SEMA6D: variants seen among roughly 807,000 people sequenced by gnomAD.
The protein encoded by SEMA6D is semaphorin 6D, also known as semaphorin-6D.
SEMA6D carries 35 observed loss-of-function variants against 106.6 expected under a neutral mutation model. That is an observed-to-expected ratio of 0.33 (90% CI 0.25 to 0.44). The LOEUF (loss-of-function observed/expected upper bound fraction) is 0.44. Among genes scored for constraint, SEMA6D ranks in the 20% least tolerant of loss-of-function variants. The pLI, the probability that SEMA6D is intolerant of heterozygous loss-of-function variation, is 1.00. For synonymous variants in SEMA6D, 499 were observed against 487.7 expected, an observed-to-expected ratio of 1.02 and a Z score of -0.31; for missense variants, 1,185 against 1,345.9, an observed-to-expected ratio of 0.88 and a Z score of 1.87.
chr15:47,198,512 G>A lies in SEMA6D; in HGVS notation c.-239+14094G>A, dbSNP rs764225070. On this transcript the variant is annotated intron_variant, in intron 1 of 19. Coordinates refer to the SEMA6D transcript ENST00000558014. ...AGGATCATGTTGATTCCTAAAGACA[G>A]AGCTCTAAGGAAGTGGATTAGGTGA... Among the ~76,000 whole-genome samples, 8 of 152,238 alleles carry A rather than the reference G, an allele frequency of 5.3e-5. No homozygotes were observed. The South Asian group carries it at 1.7e-3, about 32-fold the overall frequency.
chr15:47,592,625 T>A (rs1209791088), intron 3 of SEMA6D, among the ~76,000 whole-genome samples: 5 of 152,150 alleles, frequency 3.3e-5, no homozygotes, highest in Non-Finnish European at 7.3e-5. Context: ...ACCCCTTGGT[T>A]TAGAGACAGA....
intron 4 of SEMA6D, among the ~76,000 whole-genome samples, chr15:47,631,463 A>G (rs2144513168): frequency 6.6e-6 from 1 of 152,078 alleles, no homozygotes; most frequent in Non-Finnish European, 1.5e-5. Context: ...CACGAAAAAA[A>G]AATGAAAGAA....
Position 47,594,528 on chromosome 15 carries a change from A to C in SEMA6D, c.-86-6337A>C, listed in dbSNP as rs1478945814. ...GACGTTCAATTATTTATGCTTTAAA[A>C]CAGCCATTATTGGGTACCCATCACA... On this transcript the variant is annotated intron_variant, in intron 3 of 19. Transcript: ENST00000558014. Among the ~76,000 whole-genome samples, 3 of 152,140 alleles carry C rather than the reference A, an allele frequency of 2.0e-5. 1 individual carries two copies. The highest frequency in any genetic ancestry group is 4.4e-5 in the Non-Finnish European group (3 of 68,036).
chr15:47,291,758 A>G (rs114197249), intron 1 of SEMA6D, among the ~76,000 whole-genome samples: 1,533 of 152,318 alleles, frequency 0.01, 36 homozygotes, highest in African/African-American at 0.035. Flanking sequence ...AGTTATTTTT[A>G]TCATCATAAT....
intron 3 of SEMA6D, among the ~76,000 whole-genome samples, chr15:47,483,569 A>G (rs1022038071): frequency 4.6e-5 from 7 of 152,138 alleles, no homozygotes; most frequent in Admixed American, 3.9e-4. Flanking sequence ...AGTCCATTCA[A>G]ATTTCTATCA....
intron 3 of SEMA6D, among the ~76,000 whole-genome samples, chr15:47,524,075 C>T (rs1276111764): frequency 3.9e-5 from 6 of 152,144 alleles, no homozygotes; most frequent in Non-Finnish European, 4.4e-5. Context: ...AAATTATGTG[C>T]CCTGCTTCAG....
At chr15:47,402,401 A>G (rs1408190090) in intron 1 of SEMA6D, among the ~76,000 whole-genome samples, 1 of 152,202 alleles carries the variant, frequency 6.6e-6, no homozygotes, top group Non-Finnish European at 1.5e-5. Flanking sequence ...TGAGACAGCA[A>G]TGATCTTCTA....
chr15:47,444,442 G>A (rs1035715553), intron 2 of SEMA6D, among the ~76,000 whole-genome samples: 28 of 151,258 alleles, frequency 1.9e-4, no homozygotes. Context: ...TTAAGATCAG[G>A]CCCATGATGC....
At chr15:47,418,745 C>T (rs1374013614) in intron 2 of SEMA6D, among the ~76,000 whole-genome samples, 1 of 151,992 alleles carries the variant, frequency 6.6e-6, no homozygotes, top group African/African-American at 2.4e-5. Context: ...GCTTCAATTA[C>T]TTCAGCAAGA....
chr15:47,733,476 C>T (rs1190094252), intron 1 of SEMA6D, among the ~76,000 whole-genome samples: 1 of 152,114 alleles, frequency 6.6e-6, no homozygotes, highest in African/African-American at 2.4e-5. Context: ...TTTTTGTTCA[C>T]CAAGGTAAAA....
At chr15:47,365,890 G>GGAGAGAGAGAGAGA (rs201368884) in intron 1 of SEMA6D, among the ~76,000 whole-genome samples, 112 of 119,798 alleles carry the variant, frequency 9.3e-4, no homozygotes, top group Middle Eastern at 4.0e-3. Context: ...GAGAGAGAGA[G>GGAGAGAGAGAGAGA]GAGAGAGAGA....
intron 1 of SEMA6D, among the ~76,000 whole-genome samples, chr15:47,218,889 G>A (rs2030930020): frequency 6.6e-6 from 1 of 152,198 alleles, no homozygotes; most frequent in African/African-American, 2.4e-5. Context: ...AGCTTGTTAA[G>A]TGGCAGAATC....
chr15:47,361,551 T>G (rs2038806136), intron 1 of SEMA6D, among the ~76,000 whole-genome samples: 1 of 152,218 alleles, frequency 6.6e-6, no homozygotes, highest in African/African-American at 2.4e-5. Flanking sequence ...AAGTAAGAAC[T>G]ACTCACTGCC....
At chr15:47,636,897 G>T (rs956544072) in intron 4 of SEMA6D, among the ~76,000 whole-genome samples, 7 of 152,108 alleles carry the variant, frequency 4.6e-5, no homozygotes, top group Non-Finnish European at 1.0e-4. Flanking sequence ...TTTTCACCAG[G>T]CCAAAGTGTG....
At chr15:47,254,283 G>A (rs528450156) in intron 1 of SEMA6D, among the ~76,000 whole-genome samples, 1 of 146,148 alleles carries the variant, frequency 6.8e-6, no homozygotes, top group African/African-American at 2.5e-5. Flanking sequence ...ACATATATGA[G>A]TGTGTATATA....
intron 4 of SEMA6D, among the ~76,000 whole-genome samples, chr15:47,677,129 C>G (rs2078262141): frequency 6.6e-6 from 1 of 152,140 alleles, no homozygotes; most frequent in Non-Finnish European, 1.5e-5. Context: ...CACTCACCTC[C>G]TCCTGTGTGG....
In SEMA6D at chr15:47,254,094, G is replaced by GT. The variant is rs368208096; in HGVS notation, c.-239+69685dup. Among the ~76,000 whole-genome samples the GT allele has an allele frequency of 1.3e-3, 200 of 149,450 alleles. 1 individual carries two copies. The highest frequency in any genetic ancestry group is 4.0e-3 in the African/African-American group (163 of 40,920). On this transcript the variant is annotated intron_variant, in intron 1 of 19. Transcript: ENST00000558014. ...TCCGTGGTTAAATTTATTGCTAGGTGTTTTTTTTTGTAGCTATTGGAATTA... is the reference window on the plus strand; with the variant it reads ...TCCGTGGTTAAATTTATTGCTAGGTGTTTTTTTTTTGTAGCTATTGGAATTA...
intron 1 of SEMA6D, among the ~76,000 whole-genome samples, chr15:47,279,679 T>C (rs1357804484): frequency 6.6e-6 from 1 of 152,158 alleles, no homozygotes; most frequent in Non-Finnish European, 1.5e-5. Context: ...TAGGTAGCTC[T>C]TATTATTTTG....
chr15:47,523,582 G>T (rs1202409145), intron 3 of SEMA6D, among the ~76,000 whole-genome samples: 1 of 152,172 alleles, frequency 6.6e-6, no homozygotes, highest in Non-Finnish European at 1.5e-5. Flanking sequence ...ATGATTCTCA[G>T]GGTTGGTTAT....
Sources: gnomAD v4.1 joint callset for allele counts (sites outside exome capture counted in the v4.1 genomes callset) on GRCh38, gnomAD v4.1.1 for gene constraint, MANE v1.5 for transcripts, NCBI Gene and HGNC (gene_info 2026-07-23, HGNC 2026-07-21) for gene names.